ANKS1B: variants seen among roughly 807,000 people sequenced by gnomAD.
The protein encoded by ANKS1B is ankyrin repeat and sterile alpha motif domain-containing protein 1B.
Under a neutral mutation model 148.3 loss-of-function variants are expected in ANKS1B, and 36 were observed. The ratio of observed to expected loss-of-function variants is 0.24; its 90% CI spans 0.19 to 0.32. The LOEUF (loss-of-function observed/expected upper bound fraction) is 0.32, where lower values mean the gene tolerates loss of function less well. ANKS1B is among the 10% of genes least tolerant of loss of function. ANKS1B has a pLI of 1.00. For synonymous variants in ANKS1B, 542 were observed against 560.8 expected (o/e 0.97, Z 0.47); for missense variants, 1,157 against 1,542.6 (o/e 0.75, Z 4.19).
At chr12:98,942,232 C>T (rs1374385364) in intron 17 of ANKS1B, among the ~76,000 whole-genome samples, 3 of 150,826 alleles carry the variant, frequency 2.0e-5, no homozygotes, top group Admixed American at 6.6e-5. Flanking sequence ...CAGAGTGAGA[C>T]CCTGTCTTGG....
intron 15 of ANKS1B, among the ~76,000 whole-genome samples, chr12:99,123,234 G>T (rs1385695533): frequency 6.6e-6 from 1 of 152,072 alleles, no homozygotes; most frequent in Non-Finnish European, 1.5e-5. Flanking sequence ...GACAGGTGCT[G>T]TGTTAGGGTG....
In ANKS1B at chr12:99,019,293, A is replaced by T. The variant is rs557954439; in HGVS notation, c.2778+33864T>A. On this transcript the variant is annotated intron_variant, in intron 17 of 26. Transcript: ENST00000683438. ...CGCTTTCTGATTTCAAATGCATCTC[A>T]TGCAGTTAATAAAATTGGTAATTGG... Among the ~76,000 whole-genome samples the T allele has an allele frequency of 2.6e-5, 4 of 152,342 alleles. No homozygotes were observed. The East Asian group carries it at 7.7e-4, about 29-fold the overall frequency.
intron 10 of ANKS1B, among the ~76,000 whole-genome samples, chr12:99,484,330 C>T (rs2096457479): frequency 6.6e-6 from 1 of 151,752 alleles, no homozygotes; most frequent in Admixed American, 6.6e-5. Context: ...GAGTTGATTT[C>T]TGGTTTTATT....
intron 9 of ANKS1B, among the ~76,000 whole-genome samples, chr12:99,560,697 A>G (rs1178224808): frequency 6.6e-6 from 1 of 152,166 alleles, no homozygotes; most frequent in Non-Finnish European, 1.5e-5. Flanking sequence ...TTCTATTGCT[A>G]ACATGCTAAC....
chr12:99,779,566 T>C (rs2153631014), intron 6 of ANKS1B, among the ~76,000 whole-genome samples: 1 of 152,348 alleles, frequency 6.6e-6, no homozygotes, highest in South Asian at 2.1e-4. Flanking sequence ...CACTACTTTA[T>C]AGCCTTATTA....
intron 12 of ANKS1B, among the ~76,000 whole-genome samples, chr12:99,334,812 C>G (rs2088441274): frequency 6.6e-6 from 1 of 151,872 alleles, no homozygotes; most frequent in Admixed American, 6.6e-5. Context: ...GCAAGGTGTC[C>G]CAGGAGACTA....
chr12:99,088,851 T>G (rs986397896), intron 15 of ANKS1B, among the ~76,000 whole-genome samples: 43 of 139,936 alleles, frequency 3.1e-4, no homozygotes, highest in Non-Finnish European at 6.5e-4. Flanking sequence ...TTTTTTTTTT[T>G]TTTTTTTTTT....
chr12:99,289,459 A>G (rs923947341), intron 12 of ANKS1B, among the ~76,000 whole-genome samples: 2 of 152,130 alleles, frequency 1.3e-5, no homozygotes, highest in African/African-American at 4.8e-5. Flanking sequence ...CAATGGCTGC[A>G]GAATACACAT....
intron 8 of ANKS1B, among the ~76,000 whole-genome samples, chr12:99,742,874 A>C (rs906037249): frequency 2.0e-5 from 3 of 151,288 alleles, no homozygotes; most frequent in Non-Finnish European, 4.4e-5. Flanking sequence ...CTAGAATTTA[A>C]GTTTTTATTC....
intron 1 of ANKS1B, among the ~76,000 whole-genome samples, chr12:99,914,134 G>T (rs1280334654): frequency 1.3e-5 from 2 of 152,240 alleles, no homozygotes; most frequent in East Asian, 3.9e-4. Flanking sequence ...CCATGCCTAA[G>T]TCCTTACACC....
At chr12:99,046,114 G>A (rs1032320431) in intron 17 of ANKS1B, among the ~76,000 whole-genome samples, 8 of 152,176 alleles carry the variant, frequency 5.3e-5, no homozygotes, top group African/African-American at 1.9e-4. Context: ...CATTGGTCAA[G>A]TACTCAGAAG....
At chr12:98,796,194 A>C (rs1261769737) in intron 22 of ANKS1B, among the ~76,000 whole-genome samples, 1 of 152,198 alleles carries the variant, frequency 6.6e-6, no homozygotes, top group East Asian at 1.9e-4. Context: ...ATTTAAGGAA[A>C]CATTGATCAG....
At chr12:99,464,529 A>G (rs1183134215) in intron 10 of ANKS1B, among the ~76,000 whole-genome samples, 1 of 152,214 alleles carries the variant, frequency 6.6e-6, no homozygotes, top group Admixed American at 6.5e-5. Flanking sequence ...AAGGCAAAGA[A>G]GTTAAAAACT....
chr12:99,928,274 T>A (rs1302760435), intron 1 of ANKS1B, among the ~76,000 whole-genome samples: 9 of 82,580 alleles, frequency 1.1e-4, no homozygotes, highest in Non-Finnish European at 2.3e-4. Flanking sequence ...TTATTTTATT[T>A]TTTTTTTTTT....
intron 8 of ANKS1B, among the ~76,000 whole-genome samples, chr12:99,762,647 A>C (rs1446968689): frequency 6.6e-6 from 1 of 152,130 alleles, no homozygotes; most frequent in Non-Finnish European, 1.5e-5. Flanking sequence ...AAAGACTTCA[A>C]GAGCAATTGC....
intron 9 of ANKS1B, chr12:98,735,754 A>G (rs557495421): frequency 4.0e-6 from 2 of 497,246 alleles, no homozygotes; most frequent in African/African-American, 1.9e-5. Context: ...AGGAGTGAGC[A>G]AAACAAAAGT....
chr12:99,895,265 T>G (rs1475745939), intron 1 of ANKS1B, among the ~76,000 whole-genome samples: 2 of 149,604 alleles, frequency 1.3e-5, no homozygotes, highest in African/African-American at 4.9e-5. Context: ...CAGACTGAAA[T>G]ATGTATTAGT....
chr12:99,293,317 CA>C (rs2080316273), intron 12 of ANKS1B, among the ~76,000 whole-genome samples: 1 of 147,402 alleles, frequency 6.8e-6, no homozygotes, highest in African/African-American at 2.6e-5. Flanking sequence ...CACCTGGACA[CA>C]GGGTGGGGAA....
intron 12 of ANKS1B, among the ~76,000 whole-genome samples, chr12:99,379,532 A>G (rs1260255736): frequency 6.6e-6 from 1 of 152,222 alleles, no homozygotes; most frequent in Non-Finnish European, 1.5e-5. Context: ...TCTAATTGAC[A>G]ATGATGACTT....
Sources: gnomAD v4.1 joint callset for allele counts (sites outside exome capture counted in the v4.1 genomes callset) on GRCh38, gnomAD v4.1.1 for gene constraint, MANE v1.5 for transcripts, NCBI Gene and HGNC (gene_info 2026-07-23, HGNC 2026-07-21) for gene names.